SESN1: variants seen among roughly 807,000 people sequenced by gnomAD.
SESN1 encodes the protein sestrin-1.
Under a neutral mutation model 59.3 loss-of-function variants are expected in SESN1, and 30 were observed. The ratio of observed to expected loss-of-function variants is 0.51; its 90% CI spans 0.38 to 0.69. SESN1 has a LOEUF of 0.69. Among genes scored for constraint, SESN1 ranks in the 30% least tolerant of loss-of-function variants. The pLI is 0.00. For missense variants in SESN1, 566 were observed against 673.0 expected, an observed-to-expected ratio of 0.84 and a Z score of 1.76; for synonymous variants, 197 against 219.9, an observed-to-expected ratio of 0.90 and a Z score of 0.92.
At chr6:109,051,607 TTTTC>T (rs1780543488) in intron 1 of SESN1, among the ~76,000 whole-genome samples, 1 of 152,192 alleles carries the variant, frequency 6.6e-6, no homozygotes, top group Non-Finnish European at 1.5e-5. Context: ...TGGTCACTGG[TTTTC>T]TTTTTTTCTG....
At chr6:109,033,520 C>T (rs1044441792) in intron 1 of SESN1, among the ~76,000 whole-genome samples, 1 of 152,058 alleles carries the variant, frequency 6.6e-6, no homozygotes, top group Non-Finnish European at 1.5e-5. Context: ...GTTTTTATTC[C>T]ATAATGTCCC....
intron 1 of SESN1, among the ~76,000 whole-genome samples, chr6:109,026,579 C>T (rs1216869457): frequency 6.6e-6 from 1 of 152,048 alleles, no homozygotes; most frequent in Non-Finnish European, 1.5e-5. Flanking sequence ...TCACTGCAAC[C>T]TTCTCCGCCT....
At chr6:109,093,482 A>C (rs1352724643) in intron 1 of SESN1, among the ~76,000 whole-genome samples, 1 of 152,098 alleles carries the variant, frequency 6.6e-6, no homozygotes, top group East Asian at 1.9e-4. Context: ...GAGCCTTTAC[A>C]CTCAGAACAC....
At chr6:109,029,776 C>T (rs1780152639) in intron 1 of SESN1, among the ~76,000 whole-genome samples, 1 of 152,150 alleles carries the variant, frequency 6.6e-6, no homozygotes, top group Non-Finnish European at 1.5e-5. Context: ...AAATGATCTT[C>T]CCACTTTGGC....
At chr6:108,992,695 A>AG (rs1402911116) in intron 7 of SESN1, 92 bp downstream of exon 7, 3 of 793,766 alleles carry the variant, frequency 3.8e-6, no homozygotes, top group Non-Finnish European at 6.7e-6. Context: ...CAAAGCACTT[A>AG]GCATAGTTCT....
At chr6:109,021,450 G>A (rs1237682971) in intron 1 of SESN1, among the ~76,000 whole-genome samples, 5 of 151,918 alleles carry the variant, frequency 3.3e-5, no homozygotes, top group Non-Finnish European at 7.4e-5. Context: ...GTCATATCTT[G>A]CCTCATCCTT....
chr6:109,018,172 A>T (rs1408391060), intron 1 of SESN1, among the ~76,000 whole-genome samples: 1 of 152,150 alleles, frequency 6.6e-6, no homozygotes, highest in Non-Finnish European at 1.5e-5. Flanking sequence ...CCTTACACAT[A>T]CTTTAGAGAT....
intron 1 of SESN1, among the ~76,000 whole-genome samples, chr6:109,089,707 G>C (rs1331893753): frequency 6.6e-6 from 1 of 152,128 alleles, no homozygotes; most frequent in Non-Finnish European, 1.5e-5. Context: ...AAAAACTTTA[G>C]AGCCATGCTT....
intron 9 of SESN1, 62 bp from the exon 10 acceptor site, chr6:108,987,692 G>T (rs576569973): frequency 7.9e-6 from 7 of 881,898 alleles, no homozygotes; most frequent in Non-Finnish European, 1.3e-5. Flanking sequence ...CAGTTTTTCA[G>T]TGAATCTAAT....
At chr6:109,056,917 C>T (rs906925687) in intron 1 of SESN1, among the ~76,000 whole-genome samples, 1 of 152,182 alleles carries the variant, frequency 6.6e-6, no homozygotes, top group South Asian at 2.1e-4. Flanking sequence ...CCATCTTGTT[C>T]TTATCTCCAT....
chr6:108,989,016 T>C (rs984205382), intron 8 of SESN1, among the ~76,000 whole-genome samples: 3 of 152,134 alleles, frequency 2.0e-5, no homozygotes, highest in Non-Finnish European at 4.4e-5. Context: ...GAACAAACTA[T>C]TATTGAGACG....
intron 1 of SESN1, chr6:109,090,649 C>CT (rs1302249509): frequency 6.6e-6 from 1 of 152,142 alleles, no homozygotes; most frequent in African/African-American, 2.4e-5. Context: ...ACGGTCTTCA[C>CT]TTTGAGTACA....
intron 4 of SESN1, chr6:108,999,251 A>G (rs1323190645): frequency 6.6e-6 from 1 of 152,604 alleles, no homozygotes; most frequent in Non-Finnish European, 1.5e-5. Context: ...AACTTCTATA[A>G]TTCTTCTATT....
intron 1 of SESN1, among the ~76,000 whole-genome samples, chr6:109,025,127 C>A (rs2114379903): frequency 6.6e-6 from 1 of 152,000 alleles, no homozygotes; most frequent in South Asian, 2.1e-4. Flanking sequence ...AAGCCAAAAC[C>A]CAAGGGGCTA....
chr6:109,054,361 C>G (rs551356484), intron 1 of SESN1, among the ~76,000 whole-genome samples: 2 of 151,986 alleles, frequency 1.3e-5, no homozygotes, highest in South Asian at 4.2e-4. Context: ...ATGATACAGT[C>G]TAAAGGTGAA....
At chr6:109,073,292 T>C (rs1780970239) in intron 1 of SESN1, among the ~76,000 whole-genome samples, 1 of 152,196 alleles carries the variant, frequency 6.6e-6, no homozygotes, top group African/African-American at 2.4e-5. Context: ...TGCATATGAG[T>C]ACCTAGAACA....
At chr6:109,064,201 C>T (rs1488802437) in intron 1 of SESN1, among the ~76,000 whole-genome samples, 1 of 151,770 alleles carries the variant, frequency 6.6e-6, no homozygotes, top group African/African-American at 2.4e-5. Flanking sequence ...CCTTTTTTTC[C>T]TACAGGCCAT....
At chr6:109,009,269 C>G (rs2114341124) in intron 1 of SESN1, 2 of 1,184,282 alleles carry the variant, frequency 1.7e-6, no homozygotes, top group Non-Finnish European at 2.2e-6. Context: ...TGTGAGGAGG[C>G]AACGTGACCT....
chr6:109,078,863 G>A (rs1320288404), intron 1 of SESN1, among the ~76,000 whole-genome samples: 5 of 152,192 alleles, frequency 3.3e-5, no homozygotes, highest in African/African-American at 1.2e-4. Flanking sequence ...TAACAACCCT[G>A]TAATTCTGTA....
Sources: allele counts gnomAD v4.1 joint callset (sites outside exome capture counted in the v4.1 genomes callset), GRCh38; gene constraint gnomAD v4.1.1; transcripts MANE v1.5; gene names NCBI Gene and HGNC (gene_info 2026-07-23, HGNC 2026-07-21).